The following TMEM132D variants were observed in gnomAD, a reference collection of about 807,000 sequenced individuals.
TMEM132D encodes the protein mature OL transmembrane protein.
Under a neutral mutation model 62.3 loss-of-function variants are expected in TMEM132D, and 21 were observed. The ratio of observed to expected loss-of-function variants is 0.34; its 90% CI spans 0.24 to 0.49. The LOEUF (loss-of-function observed/expected upper bound fraction) is 0.49. TMEM132D is among the 20% of genes least tolerant of loss of function. The pLI is 0.99. For synonymous variants in TMEM132D, 621 were observed against 575.6 expected (o/e 1.08, Z -1.13); for missense variants, 1,346 against 1,402.8 (o/e 0.96, Z 0.65).
chr12:129,349,160 CA>C (rs1175341975), intron 3 of TMEM132D, among the ~76,000 whole-genome samples: 1 of 152,190 alleles, frequency 6.6e-6, no homozygotes, highest in Admixed American at 6.5e-5. Context: ...AATTATAAGG[CA>C]GACAGAAATT....
At chr12:129,545,397 T>C (rs553119679) in intron 2 of TMEM132D, among the ~76,000 whole-genome samples, 1 of 152,284 alleles carries the variant, frequency 6.6e-6, no homozygotes, top group East Asian at 1.9e-4. Context: ...TAGAATTTTT[T>C]CTTTTATTTT....
At chr12:129,348,513 C>T (rs1389475372) in intron 3 of TMEM132D, among the ~76,000 whole-genome samples, 1 of 152,088 alleles carries the variant, frequency 6.6e-6, no homozygotes, top group Non-Finnish European at 1.5e-5. Flanking sequence ...AATGAGAACA[C>T]ATGGACACAG....
intron 4 of TMEM132D, among the ~76,000 whole-genome samples, chr12:129,238,996 G>GC (rs374959544): frequency 7.5e-6 from 1 of 133,046 alleles, no homozygotes; most frequent in Non-Finnish European, 1.6e-5. Flanking sequence ...GTTATTTTCT[G>GC]TTTTTTTTTT....
chr12:129,119,115 C>G (rs1237099199), intron 5 of TMEM132D, among the ~76,000 whole-genome samples: 2 of 152,188 alleles, frequency 1.3e-5, no homozygotes, highest in Non-Finnish European at 2.9e-5. Context: ...GAGAATGCTG[C>G]TGAGACCACA....
intron 1 of TMEM132D, among the ~76,000 whole-genome samples, chr12:129,892,092 CAGG>C (rs1874941855): frequency 6.6e-6 from 1 of 152,190 alleles, no homozygotes. Flanking sequence ...AACTTATTCA[CAGG>C]AGGCCTGTCT....
chr12:129,439,473 G>A (rs937906726), intron 3 of TMEM132D, among the ~76,000 whole-genome samples: 2 of 152,010 alleles, frequency 1.3e-5, no homozygotes, highest in Non-Finnish European at 1.5e-5. Flanking sequence ...AGACGGAGAC[G>A]GAATCTCACT....
intron 4 of TMEM132D, among the ~76,000 whole-genome samples, chr12:129,298,882 CATT>C (rs141449671): frequency 0.028 from 4,320 of 152,236 alleles, 191 homozygotes; most frequent in African/African-American, 0.098. Context: ...TATGAGCACT[CATT>C]ATTAAATGTG....
At chr12:129,840,030 CT>C (rs752938098) in intron 1 of TMEM132D, 2 of 152,164 alleles carry the variant, frequency 1.3e-5, no homozygotes, top group East Asian at 1.9e-4. Context: ...AATACACCCC[CT>C]AAATATGTGT....
intron 1 of TMEM132D, among the ~76,000 whole-genome samples, chr12:129,747,239 GT>G (rs921740861): frequency 3.7e-5 from 1 of 27,210 alleles, no homozygotes; most frequent in African/African-American, 8.3e-5. Flanking sequence ...CCTCTTCACA[GT>G]GACCCGGGCG....
chr12:129,286,584 A>G (rs111924686), intron 4 of TMEM132D, among the ~76,000 whole-genome samples: 5,610 of 152,324 alleles, frequency 0.037, 160 homozygotes, highest in Non-Finnish European at 0.052. Flanking sequence ...CACCCAGGAA[A>G]ATAAGATTCC....
At chr12:129,651,876 T>C (rs563507591) in intron 2 of TMEM132D, among the ~76,000 whole-genome samples, 1 of 152,282 alleles carries the variant, frequency 6.6e-6, no homozygotes, top group Non-Finnish European at 1.5e-5. Flanking sequence ...CCCAGGAGAA[T>C]TGCAAAAGAC....
At chr12:129,832,624 T>C (rs1872877912) in intron 1 of TMEM132D, among the ~76,000 whole-genome samples, 1 of 152,242 alleles carries the variant, frequency 6.6e-6, no homozygotes, top group Middle Eastern at 3.4e-3. Context: ...CATCCCAGCA[T>C]GGCCACCTCT....
chr12:129,598,978 T>C (rs1469364931), intron 2 of TMEM132D, among the ~76,000 whole-genome samples: 2 of 152,156 alleles, frequency 1.3e-5, no homozygotes, highest in African/African-American at 4.8e-5. Context: ...ACTAAACCAA[T>C]CACAGAAAAT....
At chr12:129,351,341 C>T (rs576441010) in intron 3 of TMEM132D, among the ~76,000 whole-genome samples, 25 of 152,320 alleles carry the variant, frequency 1.6e-4, no homozygotes, top group Admixed American at 1.4e-3. Flanking sequence ...ATTTTCCCCA[C>T]AGGCACCTAC....
intron 3 of TMEM132D, among the ~76,000 whole-genome samples, chr12:129,357,679 A>AAGAG (rs140748378): frequency 1.3e-5 from 2 of 151,484 alleles, no homozygotes; most frequent in South Asian, 4.2e-4. Context: ...GAGAGAAAGA[A>AAGAG]AGAGAGAGAG....
intron 2 of TMEM132D, among the ~76,000 whole-genome samples, chr12:129,552,486 C>T (rs1200551352): frequency 6.6e-6 from 1 of 152,004 alleles, no homozygotes; most frequent in Non-Finnish European, 1.5e-5. Flanking sequence ...TATTATCTCT[C>T]TACATTATCA....
At chr12:129,477,353 G>A (rs991706571) in intron 3 of TMEM132D, among the ~76,000 whole-genome samples, 2 of 152,110 alleles carry the variant, frequency 1.3e-5, no homozygotes, top group South Asian at 2.1e-4. Flanking sequence ...GACATACACC[G>A]ATCTCATCTA....
chr12:129,520,038 A>G (rs1490696004), intron 3 of TMEM132D, among the ~76,000 whole-genome samples: 3 of 152,200 alleles, frequency 2.0e-5, no homozygotes, highest in African/African-American at 7.2e-5. Flanking sequence ...GTATAGATAG[A>G]TAAGTATCTT....
intron 4 of TMEM132D, among the ~76,000 whole-genome samples, chr12:129,289,837 C>A (rs1415110296): frequency 6.6e-6 from 1 of 152,160 alleles, no homozygotes; most frequent in Non-Finnish European, 1.5e-5. Context: ...CATAGCAAGA[C>A]CTCATCTCTG....
Sources: gnomAD v4.1 joint callset for allele counts (sites outside exome capture counted in the v4.1 genomes callset) on GRCh38, gnomAD v4.1.1 for gene constraint, MANE v1.5 for transcripts, NCBI Gene and HGNC (gene_info 2026-07-23, HGNC 2026-07-21) for gene names.